The following DYSF variants were observed in gnomAD, a reference collection of about 807,000 sequenced individuals.
DYSF encodes dysferlin, also known as dystrophy-associated fer-1-like 1.
A neutral mutation model predicts 274.9 loss-of-function variants in DYSF; 212 were observed. The observed-to-expected ratio is 0.77, with a 90% CI of 0.69 to 0.86. The LOEUF (loss-of-function observed/expected upper bound fraction) is 0.86, where lower values mean the gene tolerates loss of function less well. Among genes scored for constraint, DYSF ranks in the 40% least tolerant of loss-of-function variants. The probability of loss-of-function intolerance (pLI) is 0.00; values close to 1 mark genes in which losing one functional copy is unlikely to be tolerated. For synonymous variants in DYSF, 1,091 were observed against 1,078.7 expected (o/e 1.01, Z -0.22); for missense variants, 2,666 against 2,783.2 (o/e 0.96, Z 0.95).
intron 19 of DYSF, 126 bp from the exon 20 acceptor site, chr2:71,552,885 G>A (rs1376484338): frequency 1.4e-5 from 13 of 933,884 alleles, no homozygotes; most frequent in Middle Eastern, 2.1e-4. Context: ...CTTGCCACCC[G>A]TCAGTCCAGC....
rs886042093 is a variant in DYSF at position 71,528,393 on chromosome 2, G to A, written c.1372G>A (p.Gly458Arg). Residue 458 changes from glycine (G) to arginine (R), a missense_variant, in exon 14 of 56, where the codon GGG becomes AGG. Physicochemically the swap from Gly to Arg is moderately radical, Grantham distance 125. Coordinates refer to ENST00000410020, the MANE Select transcript of DYSF (RefSeq NM_001130987.2). The part of the protein sequence containing the change: ...VDPFVEVSFA[G>R]KMLCSKILEK... ...CCCCTTTGTGGAGGTCAGCTTTGCGGGGAAAATGGTAAGGAGCAAGGGAGC... is the reference window on the plus strand; with the variant it reads ...CCCCTTTGTGGAGGTCAGCTTTGCGAGGAAAATGGTAAGGAGCAAGGGAGC... The A allele has an allele frequency of 1.9e-6, 3 of 1,613,960 alleles. No homozygotes were observed. Among genetic ancestry groups the A allele is most frequent in the Admixed American group, 3.3e-5 (2 of 60,014 alleles).
chr2:71,516,106 G>T, intron 8 of DYSF, 74 bp from the exon 9 acceptor site: 2 of 1,434,928 alleles, frequency 1.4e-6, no homozygotes, highest in Non-Finnish European at 9.8e-7. Flanking sequence ...AGGCTTGGGG[G>T]TGGTGGTCCT....
chr2:71,677,483 A>ACC (rs2095240461), intron 52 of DYSF, among the ~76,000 whole-genome samples: 1 of 152,206 alleles, frequency 6.6e-6, no homozygotes, highest in Non-Finnish European at 1.5e-5. Flanking sequence ...AAGATAGTTA[A>ACC]ATACAAGAAT....
At chr2:71,490,413 C>T (rs997296437) in intron 3 of DYSF, among the ~76,000 whole-genome samples, 1 of 152,170 alleles carries the variant, frequency 6.6e-6, no homozygotes, top group Non-Finnish European at 1.5e-5. Context: ...GATCTCAGCT[C>T]ACTGCAACCT....
At chr2:71,503,142 A>C (rs774704774) in intron 3 of DYSF, 72 bp from the exon 4 acceptor site, 48 of 1,334,550 alleles carry the variant, frequency 3.6e-5, no homozygotes, top group Non-Finnish European at 5.2e-5. Context: ...GAGTGGTGGC[A>C]GTGAGGGGTC....
rs1553531841 is a variant in DYSF, at chr2:71,528,362, G to T, written c.1341G>T (p.Leu447Phe). The part of the protein sequence containing the change: ...IFGFESNKKN[L>F]VDPFVEVSFA... ...GCTTCGAGAGTAACAAGAAGAACTT[G>T]GTGGACCCCTTTGTGGAGGTCAGCT... Residue 447 changes from leucine to phenylalanine, a missense_variant, in exon 14 of 56, where the codon TTG (leucine) becomes TTT (phenylalanine). By Grantham distance (22) the Leu-to-Phe change is conservative. Coordinates refer to ENST00000410020, the MANE Select transcript of DYSF (RefSeq NM_001130987.2). 1.2e-6 allele frequency: 2 copies of T among 1,614,070 alleles called. No individual in the cohort carries two copies. The highest frequency in any genetic ancestry group is 3.3e-5 in the Admixed American group (2 of 59,998).
At chr2:71,618,326 GAT>G (rs2093975445) in intron 40 of DYSF, among the ~76,000 whole-genome samples, 2 of 69,254 alleles carry the variant, frequency 2.9e-5, no homozygotes, top group Admixed American at 1.7e-4. Flanking sequence ...GTGTGGTAGA[GAT>G]GGGGTGTGTG....
intron 10 of DYSF, among the ~76,000 whole-genome samples, chr2:71,519,113 A>G (rs1025216902): frequency 4.0e-5 from 6 of 150,652 alleles, no homozygotes; most frequent in African/African-American, 1.5e-4. Flanking sequence ...AAAAAAAAAA[A>G]AAAAAAAAAT....
At chr2:71,514,023 G>A (rs990943889) in intron 7 of DYSF, 102 bp downstream of exon 7, 1 of 1,338,802 alleles carries the variant, frequency 7.5e-7, no homozygotes, top group Non-Finnish European at 1.1e-6. Context: ...AGATGTGTGT[G>A]GGATCCTCAG....
chr2:71,583,415 C>A (rs1320966852), intron 30 of DYSF, among the ~76,000 whole-genome samples: 1 of 152,172 alleles, frequency 6.6e-6, no homozygotes, highest in Non-Finnish European at 1.5e-5. Flanking sequence ...TGGTCCACAC[C>A]CATCTGCTTG....
At chr2:71,481,617 T>C (rs1052040041) in intron 2 of DYSF, among the ~76,000 whole-genome samples, 2 of 152,176 alleles carry the variant, frequency 1.3e-5, no homozygotes, top group Non-Finnish European at 2.9e-5. Flanking sequence ...GAGGGGCCTG[T>C]GAAAGACCTC....
chr2:71,566,074 A>G (rs2092082264), intron 24 of DYSF, among the ~76,000 whole-genome samples: 1 of 152,068 alleles, frequency 6.6e-6, no homozygotes, highest in South Asian at 2.1e-4. Flanking sequence ...TTCCCATTAG[A>G]TTCTAACCTC....
Position 71,511,828 on chromosome 2 carries a change from T to C in DYSF, c.367T>C (p.Ser123Pro). The C allele has an allele frequency of 1.3e-6, 2 of 1,551,526 alleles. No individual in the cohort carries two copies. The highest frequency in any genetic ancestry group is 1.7e-6 in the Non-Finnish European group (2 of 1,146,864). ...CCAGGCCTCGCTGGTCCTGCAGGTGTCCTACACACCGCTGCCTGGAGCTGT... is the reference window on the plus strand; with the variant it reads ...CCAGGCCTCGCTGGTCCTGCAGGTGCCCTACACACCGCTGCCTGGAGCTGT... Reference protein sequence around the residue: ...PTGASLVLQVSYTPLPGAVPL... With the variant: ...PTGASLVLQVPYTPLPGAVPL... The change falls in exon 5 of 56, where the codon TCC (serine) becomes CCC (proline). Residue 123 changes from serine to proline, a missense_variant. This residue lies in a region of DYSF where 794 missense variants were observed against 777.1 expected (regional missense o/e 1.02). Transcript: ENST00000410020.
chr2:71,536,202 G>T (rs1287219202), intron 16 of DYSF, among the ~76,000 whole-genome samples: 1 of 152,220 alleles, frequency 6.6e-6, no homozygotes, highest in Admixed American at 6.5e-5. Flanking sequence ...TTGCCCCCAA[G>T]AAGTCTTGGC....
At chr2:71,597,282 C>T (rs1322547020) in intron 32 of DYSF, among the ~76,000 whole-genome samples, 3 of 152,148 alleles carry the variant, frequency 2.0e-5, no homozygotes, top group Non-Finnish European at 4.4e-5. Context: ...GGGCACAGGC[C>T]ATTGCAGGAT....
intron 41 of DYSF, among the ~76,000 whole-genome samples, chr2:71,634,713 C>T (rs1300409832): frequency 6.6e-6 from 1 of 152,190 alleles, no homozygotes; most frequent in Non-Finnish European, 1.5e-5. Context: ...TCTGGGCTTT[C>T]TATCTTCCTC....
rs11126338 is a variant in DYSF, at chr2:71,631,888, G to A, written c.4527+11279G>A. On this transcript the variant is annotated intron_variant, in intron 41 of 55. Transcript: ENST00000410020. Reference sequence around the variant, plus strand: ...GACAGCCTGGGGTGAAACTTGTCTGGCAAACTTCAGGGCTCCATCAGGGAG... The same window carrying A: ...GACAGCCTGGGGTGAAACTTGTCTGACAAACTTCAGGGCTCCATCAGGGAG... Among the ~76,000 whole-genome samples, 39 of 152,136 alleles carry A rather than the reference G, an allele frequency of 2.6e-4. No individual in the cohort carries two copies. The East Asian group carries it at 5.2e-3, about 20-fold the overall frequency.
chr2:71,605,422 A>G (rs563084646), intron 36 of DYSF, among the ~76,000 whole-genome samples: 2 of 152,344 alleles, frequency 1.3e-5, no homozygotes, highest in East Asian at 3.9e-4. Context: ...ACGCACACAC[A>G]GCAGCTGAGG....
chr2:71,595,345 T>C (rs2093376450), intron 32 of DYSF, among the ~76,000 whole-genome samples: 1 of 152,214 alleles, frequency 6.6e-6, no homozygotes, highest in Admixed American at 6.5e-5. Flanking sequence ...GGCCCTTTCC[T>C]ATGAGGTGGC....
Sources: allele counts gnomAD v4.1 joint callset (sites outside exome capture counted in the v4.1 genomes callset), GRCh38; gene constraint gnomAD v4.1.1; regional missense constraint gnomAD v4.1.1; transcripts MANE v1.5; gene names NCBI Gene and HGNC (gene_info 2026-07-23, HGNC 2026-07-21).